MAPK10: variants seen among roughly 807,000 people sequenced by gnomAD.
MAPK10 encodes the protein mitogen-activated protein kinase 10, also known as JNK3 alpha protein kinase.
MAPK10 carries 25 observed loss-of-function variants against 59.3 expected under a neutral mutation model. The observed-to-expected ratio is 0.42, with a 90% CI of 0.31 to 0.59. The LOEUF (loss-of-function observed/expected upper bound fraction) is 0.59, where lower values mean the gene tolerates loss of function less well. Among genes scored for constraint, MAPK10 ranks in the 20% least tolerant of loss-of-function variants. The pLI, the probability that MAPK10 is intolerant of heterozygous loss-of-function variation, is 0.15. For synonymous variants in MAPK10, 190 were observed against 200.5 expected (o/e 0.95, Z 0.44); for missense variants, 351 against 568.9 (o/e 0.62, Z 3.90).
intron 1 of MAPK10, among the ~76,000 whole-genome samples, chr4:86,409,666 G>A (rs1325525341): frequency 1.3e-5 from 2 of 152,126 alleles, no homozygotes; most frequent in East Asian, 3.8e-4. Flanking sequence ...TGTAGTAATT[G>A]TGAATGGGAG....
At chr4:86,271,856 TA>T (rs1362777974) in intron 2 of MAPK10, among the ~76,000 whole-genome samples, 1 of 152,052 alleles carries the variant, frequency 6.6e-6, no homozygotes, top group Admixed American at 6.6e-5. Flanking sequence ...ATGATTCAAC[TA>T]CCTCCCACTG....
chr4:86,445,236 G>A (rs772911869), intron 1 of MAPK10, among the ~76,000 whole-genome samples: 2 of 152,170 alleles, frequency 1.3e-5, no homozygotes, highest in Non-Finnish European at 2.9e-5. Flanking sequence ...ATACTATGTA[G>A]CCATAAAAAT....
At chr4:86,109,398 C>G (rs947114990) in intron 4 of MAPK10, among the ~76,000 whole-genome samples, 6 of 152,056 alleles carry the variant, frequency 3.9e-5, no homozygotes, top group Non-Finnish European at 5.9e-5. Context: ...CTTCCTGGCC[C>G]CAACGGGCCC....
chr4:86,150,667 C>T (rs1029430158), intron 4 of MAPK10, among the ~76,000 whole-genome samples: 1 of 152,106 alleles, frequency 6.6e-6, no homozygotes, highest in Non-Finnish European at 1.5e-5. Flanking sequence ...CGAGACCATC[C>T]TGGCTAACAC....
chr4:86,591,673 C>T (rs190697620), intron 1 of MAPK10, among the ~76,000 whole-genome samples: 64 of 152,260 alleles, frequency 4.2e-4, no homozygotes, highest in Middle Eastern at 3.4e-3. Context: ...TGTGCCCCAC[C>T]CCCCGTATGT....
intron 3 of MAPK10, among the ~76,000 whole-genome samples, chr4:86,190,537 G>A (rs1425283854): frequency 6.6e-6 from 1 of 152,136 alleles, no homozygotes; most frequent in Non-Finnish European, 1.5e-5. Context: ...TTGCATAGAG[G>A]TGTTTATAGT....
intron 1 of MAPK10, among the ~76,000 whole-genome samples, chr4:86,483,311 A>C (rs1753746329): frequency 6.6e-6 from 1 of 152,182 alleles, no homozygotes; most frequent in African/African-American, 2.4e-5. Flanking sequence ...TTAACAACTT[A>C]ACAAAAGACA....
chr4:86,227,479 T>A, intron 2 of MAPK10, among the ~76,000 whole-genome samples: 3 of 118,218 alleles, frequency 2.5e-5, no homozygotes. Context: ...AGAGCGAGAC[T>A]CCCTCTAAAA....
intron 2 of MAPK10, among the ~76,000 whole-genome samples, chr4:86,301,772 G>A (rs747087452): frequency 2.7e-4 from 41 of 152,072 alleles, no homozygotes; most frequent in Non-Finnish European, 4.6e-4. Context: ...AACAAGTCTG[G>A]TTCTCAAATG....
At chr4:86,122,784 T>G (rs1437516984) in intron 4 of MAPK10, among the ~76,000 whole-genome samples, 1 of 152,142 alleles carries the variant, frequency 6.6e-6, no homozygotes, top group South Asian at 2.1e-4. Context: ...TCTGCCTCTG[T>G]GGGCTTCATC....
upstream of MAPK10, among the ~76,000 whole-genome samples, chr4:86,457,095 C>T (rs909295545): frequency 2.3e-4 from 35 of 152,210 alleles, no homozygotes; most frequent in African/African-American, 8.2e-4. Context: ...AAGCATTTGA[C>T]AAAATCTAGC....
intron 1 of MAPK10, among the ~76,000 whole-genome samples, chr4:86,381,935 G>C (rs1363783545): frequency 6.6e-6 from 1 of 152,108 alleles, no homozygotes; most frequent in Non-Finnish European, 1.5e-5. Context: ...CTATGGGGCA[G>C]GAATGGGAGA....
At chr4:86,517,269 C>CTTT (rs1176457005) in intron 1 of MAPK10, among the ~76,000 whole-genome samples, 881 of 84,296 alleles carry the variant, frequency 0.01, 24 homozygotes, top group Non-Finnish European at 0.013. Flanking sequence ...GGTGTATTAT[C>CTTT]TTTTTTTTTT....
intron 12 of MAPK10, 25 bp from the exon 13 acceptor site, chr4:86,029,299 T>C (rs370709515): frequency 3.4e-6 from 5 of 1,457,702 alleles, no homozygotes; most frequent in Admixed American, 1.7e-5. Context: ...TGTGTTATTA[T>C]AGAAAACAAA....
chr4:86,327,384 A>C (rs2148905157), intron 2 of MAPK10: 1 of 151,642 alleles, frequency 6.6e-6, no homozygotes, highest in African/African-American at 2.4e-5. Flanking sequence ...AGATTATCTC[A>C]CCCCCCAAAA....
intron 1 of MAPK10, among the ~76,000 whole-genome samples, chr4:86,565,870 C>T (rs72665754): frequency 0.019 from 2,823 of 152,246 alleles, 35 homozygotes; most frequent in Non-Finnish European, 0.032. Flanking sequence ...TTAAATAAAA[C>T]TCCTGCTCAC....
intron 4 of MAPK10, among the ~76,000 whole-genome samples, chr4:86,141,738 A>G (rs1376108141): frequency 1.3e-5 from 2 of 152,208 alleles, no homozygotes; most frequent in African/African-American, 4.8e-5. Context: ...AAGTTTCTTT[A>G]TGTGCTAAAG....
chr4:86,503,067 G>A (rs916696771), intron 1 of MAPK10, among the ~76,000 whole-genome samples: 7 of 152,030 alleles, frequency 4.6e-5, no homozygotes, highest in African/African-American at 1.7e-4. Context: ...ATAATTTAAA[G>A]GTGAGTTATG....
intron 11 of MAPK10, among the ~76,000 whole-genome samples, chr4:86,056,931 CT>C (rs1440047460): frequency 8.5e-6 from 1 of 117,044 alleles, no homozygotes; most frequent in Non-Finnish European, 1.8e-5. Flanking sequence ...TTGGTCAGGA[CT>C]TTTTTGTTTA....
Sources: gnomAD v4.1 joint callset for allele counts (sites outside exome capture counted in the v4.1 genomes callset) on GRCh38, gnomAD v4.1.1 for gene constraint, MANE v1.5 for transcripts, NCBI Gene and HGNC (gene_info 2026-07-23, HGNC 2026-07-21) for gene names.